The following LOC112694756 variants were observed in gnomAD, a reference collection of about 807,000 sequenced individuals.
the LOC112694756 span, chr16:30,063,853 C>A: frequency 1.1e-4 from 45 of 399,106 alleles, no homozygotes; most frequent in Non-Finnish European, 1.9e-4. Flanking sequence ...GGACCCAGGG[C>A]CCCTGCCCTC....
the LOC112694756 span, chr16:30,053,162 C>G: frequency 6.6e-6 from 1 of 152,402 alleles, no homozygotes; most frequent in South Asian, 2.1e-4. Context: ...GTCCCTCGGA[C>G]GATTGGACCT....
chr16:30,065,918 C>T, the LOC112694756 span: 16 of 153,152 alleles, frequency 1.0e-4, no homozygotes, highest in Non-Finnish European at 2.9e-5. Context: ...CCGCCCCTCT[C>T]CTGTGCCAGG....
chr16:30,067,682 C>T, the LOC112694756 span: 18 of 1,613,446 alleles, frequency 1.1e-5, no homozygotes, highest in Admixed American at 5.0e-5. Flanking sequence ...GGCCTCCGGA[C>T]GTGAGGTTTG....
chr16:30,067,926 C>G, the LOC112694756 span: 1 of 535,480 alleles, frequency 1.9e-6, no homozygotes, highest in Non-Finnish European at 3.4e-6. Context: ...GTCTGACACC[C>G]AATTCACTCA....
the LOC112694756 span, chr16:30,069,478 C>A: frequency 2.5e-6 from 4 of 1,613,988 alleles, no homozygotes; most frequent in African/African-American, 5.3e-5. Context: ...CACTACCCAC[C>A]GTGCGCCTGC....
chr16:30,057,409 G>T, the LOC112694756 span, among the ~76,000 whole-genome samples: 1 of 152,184 alleles, frequency 6.6e-6, no homozygotes. Context: ...AGAATCCTCA[G>T]GGGAGAAGCC....
chr16:30,057,243 C>T, the LOC112694756 span, among the ~76,000 whole-genome samples: 16 of 152,222 alleles, frequency 1.1e-4, no homozygotes, highest in East Asian at 2.1e-3. Flanking sequence ...CATCACACTT[C>T]GCCACCTATC....
the LOC112694756 span, chr16:30,069,452 ATCCTC>A: frequency 6.2e-7 from 1 of 1,613,820 alleles, no homozygotes; most frequent in Non-Finnish European, 8.5e-7. Context: ...GCTAACCCCT[ATCCTC>A]TCCTCCACCC....
At chr16:30,067,533 G>A in the LOC112694756 span, 4 of 1,613,732 alleles carry the variant, frequency 2.5e-6, no homozygotes, top group African/African-American at 5.3e-5. Flanking sequence ...GCTGCTGACA[G>A]CTGACGACCG....
the LOC112694756 span, chr16:30,070,056 G>A: frequency 6.2e-7 from 1 of 1,613,676 alleles, no homozygotes; most frequent in Admixed American, 1.7e-5. Flanking sequence ...GGTGGGCAGG[G>A]TGCCTGGGTG....
the LOC112694756 span, chr16:30,067,038 G>A: frequency 1.3e-6 from 2 of 1,578,766 alleles, no homozygotes; most frequent in African/African-American, 1.3e-5. Context: ...AGTTAGGAAA[G>A]GTACAGGGGC....
chr16:30,065,251 TC>T, the LOC112694756 span, among the ~76,000 whole-genome samples: 1 of 152,172 alleles, frequency 6.6e-6, no homozygotes, highest in South Asian at 2.1e-4. Flanking sequence ...TGACAGGGTG[TC>T]GGCTCCGCGC....
chr16:30,058,897 G>A, the LOC112694756 span: 5 of 398,172 alleles, frequency 1.3e-5, no homozygotes, highest in Non-Finnish European at 2.2e-5. Context: ...TAGGGCCTTG[G>A]GGACTCAGCA....
At chr16:30,058,763 T>G in the LOC112694756 span, among the ~76,000 whole-genome samples, 1 of 151,442 alleles carries the variant, frequency 6.6e-6, no homozygotes, top group African/African-American at 2.4e-5. Flanking sequence ...ATTACAGGCG[T>G]GAGCCACCAC....
At chr16:30,068,871 T>C in the LOC112694756 span, 4 of 1,614,242 alleles carry the variant, frequency 2.5e-6, no homozygotes, top group South Asian at 3.3e-5. Context: ...CGGAGCTGAC[T>C]TCGCCAAGTG....
At chr16:30,068,928 A>G in the LOC112694756 span, 2 of 1,614,132 alleles carry the variant, frequency 1.2e-6, no homozygotes, top group Admixed American at 1.7e-5. Context: ...AGCCCTCGCC[A>G]TCATGGAAAA....
the LOC112694756 span, chr16:30,065,897 A>AC: frequency 6.5e-6 from 1 of 152,808 alleles, no homozygotes; most frequent in Non-Finnish European, 1.5e-5. Context: ...CTGCCGCCGC[A>AC]CCCTGCACAC....
chr16:30,059,644 C>T, the LOC112694756 span, among the ~76,000 whole-genome samples: 47 of 148,834 alleles, frequency 3.2e-4, no homozygotes, highest in Non-Finnish European at 6.6e-4. Flanking sequence ...CTCACTGCAA[C>T]CTCCGTCCCC....
the LOC112694756 span, chr16:30,068,813 C>G: frequency 6.2e-7 from 1 of 1,614,220 alleles, no homozygotes; most frequent in Admixed American, 1.7e-5. Flanking sequence ...TTCCTCTTCT[C>G]TTAGGGTTGG....
Sources: gnomAD v4.1 joint callset for allele counts (sites outside exome capture counted in the v4.1 genomes callset) on GRCh38, gnomAD v4.1.1 for gene constraint, MANE v1.5 for transcripts.